The following MEG3 variants were observed in gnomAD, a reference collection of about 807,000 sequenced individuals.
MEG3 encodes Very putative protein from MEG3 locus.
chr14:100,827,923 A>G (rs1238885605), intron 1 of MEG3, among the ~76,000 whole-genome samples: 1 of 152,198 alleles, frequency 6.6e-6, no homozygotes, highest in Non-Finnish European at 1.5e-5. Flanking sequence ...GCGGCGCTCC[A>G]GAGGGGCCTG....
At chr14:100,834,762 G>T in exon 1 of MEG3, 1 of 456,664 alleles carries the variant, frequency 2.2e-6, no homozygotes, top group Non-Finnish European at 4.4e-6. Flanking sequence ...GTGAGTGAAT[G>T]AAAGGACTCG....
chr14:100,840,155 G>T (rs1470585760), intron 2 of MEG3, among the ~76,000 whole-genome samples: 14 of 152,186 alleles, frequency 9.2e-5, no homozygotes, highest in Admixed American at 9.2e-4. Flanking sequence ...GGTGGTGAAG[G>T]GTGTAGCCAT....
upstream of MEG3, chr14:100,856,938 C>T (rs1183768166): frequency 6.6e-6 from 1 of 152,146 alleles, no homozygotes; most frequent in African/African-American, 2.4e-5. Context: ...CTCCCCCACC[C>T]CTCCCCCCAA....
intron 1 of MEG3, among the ~76,000 whole-genome samples, chr14:100,828,359 A>G (rs1158722476): frequency 7.7e-6 from 1 of 129,330 alleles, no homozygotes; most frequent in African/African-American, 3.0e-5. Context: ...TCCACCTCCC[A>G]TTTCTCCTCT....
chr14:100,839,839 C>T (rs946351347), intron 2 of MEG3, among the ~76,000 whole-genome samples: 5 of 152,316 alleles, frequency 3.3e-5, no homozygotes, highest in Admixed American at 6.5e-5. Context: ...TTTGCCAAGA[C>T]GAGCTCTGCG....
chr14:100,849,164 GGA>G (rs749078434), intron 3 of MEG3: 1 of 152,166 alleles, frequency 6.6e-6, no homozygotes, highest in Non-Finnish European at 1.5e-5. Context: ...TAAATATGTG[GGA>G]GAGTGGACCA....
chr14:100,836,368 A>G, intron 2 of MEG3: 1 of 440,632 alleles, frequency 2.3e-6, no homozygotes, highest in South Asian at 1.6e-5. Flanking sequence ...CTCTCTGATC[A>G]ACAAGAGTGT....
At chr14:100,831,263 C>G (rs1042535579), downstream of MEG3, 1 of 153,136 alleles carries the variant, frequency 6.5e-6, no homozygotes, top group Non-Finnish European at 1.5e-5. Flanking sequence ...CCCCTGTTCC[C>G]TGAGTTCTAG....
At chr14:100,833,623 T>C (rs12878222), downstream of MEG3, 30,099 of 152,184 alleles carry the variant, frequency 0.2, 3,105 homozygotes, top group Admixed American at 0.26. Context: ...GCCTGAACCC[T>C]CCTCCTCTTT....
At chr14:100,849,951 T>C (rs1410874723) in intron 3 of MEG3, 5 of 152,212 alleles carry the variant, frequency 3.3e-5, no homozygotes, top group Non-Finnish European at 5.9e-5. Flanking sequence ...GAGACATACC[T>C]GGCTCCAAAA....
chr14:100,834,907 G>A (rs903801473), exon 1 of MEG3: 13 of 427,972 alleles, frequency 3.0e-5, no homozygotes, highest in South Asian at 8.5e-5. Context: ...CTTGCTGGTC[G>A]CGTCCCTGCA....
chr14:100,836,539 C>T (rs1282888570), intron 2 of MEG3, among the ~76,000 whole-genome samples: 3 of 152,006 alleles, frequency 2.0e-5, no homozygotes, highest in Admixed American at 6.5e-5. Context: ...TGTGGGCCGG[C>T]GACGGTAGGT....
chr14:100,844,851 T>G (rs564939378), intron 2 of MEG3, among the ~76,000 whole-genome samples: 10 of 152,342 alleles, frequency 6.6e-5, no homozygotes, highest in Admixed American at 3.9e-4. Context: ...AGTTAAAACG[T>G]AAGGCAGATC....
chr14:100,846,919 CAT>C (rs1023899467), intron 3 of MEG3: 5 of 142,852 alleles, frequency 3.5e-5, no homozygotes, highest in African/African-American at 1.5e-4. Context: ...CAGAATGAGA[CAT>C]AGATTTTGAG....
At chr14:100,830,777 C>A (rs2037376485), downstream of MEG3, 2 of 152,156 alleles carry the variant, frequency 1.3e-5, no homozygotes, top group African/African-American at 4.8e-5. Flanking sequence ...CCGGACAAGA[C>A]AAAAACAACT....
chr14:100,847,735 C>T (rs1357222432), intron 3 of MEG3: 1 of 152,124 alleles, frequency 6.6e-6, no homozygotes, highest in South Asian at 2.1e-4. Flanking sequence ...CTGGGCACCC[C>T]AGCTGCATGA....
chr14:100,841,182 C>A (rs1373163309), intron 2 of MEG3, among the ~76,000 whole-genome samples: 1 of 152,188 alleles, frequency 6.6e-6, no homozygotes, highest in Non-Finnish European at 1.5e-5. Context: ...GGGACAAAGT[C>A]CCTGCCGTGA....
At chr14:100,831,110 G>A (rs1206101449), downstream of MEG3, 1 of 153,060 alleles carries the variant, frequency 6.5e-6, no homozygotes, top group African/African-American at 2.4e-5. Context: ...TAATGGTAGT[G>A]AATGTTTCTG....
At chr14:100,850,678 G>A (rs1359043052) in intron 3 of MEG3, 1 of 151,652 alleles carries the variant, frequency 6.6e-6, no homozygotes, top group Non-Finnish European at 1.5e-5. Flanking sequence ...AAAGAAAGAT[G>A]CAATTTGGGA....
Sources: allele counts gnomAD v4.1 joint callset (sites outside exome capture counted in the v4.1 genomes callset), GRCh38; gene constraint gnomAD v4.1.1; transcripts MANE v1.5; gene names NCBI Gene and HGNC (gene_info 2026-07-23, HGNC 2026-07-21).